The following VCAM1 variants were observed in gnomAD, a reference collection of about 807,000 sequenced individuals.
VCAM1 encodes the protein vascular cell adhesion molecule 1.
VCAM1 carries 41 observed loss-of-function variants against 63.8 expected under a neutral mutation model. That is an observed-to-expected ratio of 0.64 (90% CI 0.50 to 0.83). The LOEUF (loss-of-function observed/expected upper bound fraction) is 0.83, where lower values mean the gene tolerates loss of function less well. VCAM1 is among the 40% of genes least tolerant of loss of function. The pLI is 0.00. For missense variants in VCAM1, 798 were observed against 875.5 expected, an observed-to-expected ratio of 0.91 and a Z score of 1.12; for synonymous variants, 338 against 320.7, an observed-to-expected ratio of 1.05 and a Z score of -0.58.
rs1470791142 is a variant in VCAM1 at position 100,729,310 on chromosome 1, G to A, written c.1132G>A (p.Glu378Lys). The A allele has an allele frequency of 1.9e-6, 3 of 1,613,266 alleles. No individual in the cohort carries two copies. In the African/African-American group the frequency reaches 4.0e-5, roughly 22 times the overall value. The change falls in exon 5 of 9, where the codon GAA (glutamate) becomes AAA (lysine). Residue 378 changes from glutamate to lysine, a missense_variant. Transcript: ENST00000294728. ...CCTGAGCCCTGTGAGTTTTGAGAACGAACACTCTTATCTGTGCACAGTGAC... is the reference window on the plus strand; with the variant it reads ...CCTGAGCCCTGTGAGTTTTGAGAACAAACACTCTTATCTGTGCACAGTGAC... ...LTLSPVSFEN[E>K]HSYLCTVTCG...
chr1:100,729,240 T>C lies in VCAM1; in HGVS notation c.1062T>C (p.Pro354=). ...CCTGGAGAACCCAGATAGACAGCCC[T>C]CTGAGCGGGAAGGTGAGGAGTGAGG... is the stretch of plus-strand genomic sequence containing the variant. ...SFSWRTQIDS[P]LSGKVRSEGT... The change falls in exon 5 of 9, where the codon CCT becomes CCC. Residue 354 remains proline (P), a synonymous_variant. Transcript: ENST00000294728. The C allele has an allele frequency of 1.2e-6, 2 of 1,613,518 alleles. No homozygotes were observed. The highest frequency in any genetic ancestry group is 1.7e-6 in the Non-Finnish European group (2 of 1,179,686).
At chr1:100,720,328 G>A (rs1659915178) in intron 1 of VCAM1, 148 bp from the exon 2 acceptor site, 1 of 1,075,340 alleles carries the variant, frequency 9.3e-7, no homozygotes, top group Non-Finnish European at 1.3e-6. Context: ...CAGTGACTTC[G>A]GTGCTTTTTG....
intron 6 of VCAM1, 114 bp from the exon 7 acceptor site, chr1:100,732,304 G>A: frequency 8.7e-7 from 1 of 1,146,284 alleles, no homozygotes; most frequent in Non-Finnish European, 1.2e-6. Flanking sequence ...AATTATCAAG[G>A]TTTACAAACT....
rs1471750028 is a variant in VCAM1, at chr1:100,734,729, G to A, written c.2020G>A (p.Val674Ile). 1 of 1,613,910 alleles carries A rather than the reference G, an allele frequency of 6.2e-7. No individual in the cohort carries two copies. The highest frequency in any genetic ancestry group is 2.2e-5 in the East Asian group (1 of 44,868). The change falls in exon 8 of 9, where the codon GTT becomes ATT. Residue 674 changes from valine to isoleucine, a missense_variant. Val to Ile is a conservative substitution (Grantham distance 29). Coordinates refer to ENST00000294728, the MANE Select transcript of VCAM1 (RefSeq NM_001078.4). Reference protein sequence around the residue: ...GVYECESKNKVGSQLRSLTLD... With the variant: ...GVYECESKNKIGSQLRSLTLD... ...ATATGAATGTGAATCTAAAAACAAAGTTGGCTCACAATTAAGAAGTTTAAC... is the reference window on the plus strand; with the variant it reads ...ATATGAATGTGAATCTAAAAACAAAATTGGCTCACAATTAAGAAGTTTAAC...
chr1:100,722,982 GCAAA>G (rs768142460), intron 2 of VCAM1, 34 bp from the exon 3 acceptor site: 37 of 1,570,334 alleles, frequency 2.4e-5, no homozygotes, highest in Non-Finnish European at 3.2e-5. Context: ...TATCACATTA[GCAAA>G]AAGCCCATCC....
At chr1:100,728,285 G>A (rs1031831164) in intron 4 of VCAM1, among the ~76,000 whole-genome samples, 2 of 152,066 alleles carry the variant, frequency 1.3e-5, no homozygotes, top group African/African-American at 4.8e-5. Flanking sequence ...GGTGACTTAT[G>A]TATCATTTTA....
chr1:100,731,437 G>C lies in VCAM1; in HGVS notation c.1444G>C (p.Val482Leu), dbSNP rs560169201. Reference sequence around the variant, plus strand: ...CATTGAAGATACTGGAAAAGCTCTTGTTTGTCAGGCTAAGTTACATATTGA... The same window carrying C: ...CATTGAAGATACTGGAAAAGCTCTTCTTTGTCAGGCTAAGTTACATATTGA... Reference protein sequence around the residue: ...PTIEDTGKALVCQAKLHIDDM... With the variant: ...PTIEDTGKALLCQAKLHIDDM... The change falls in exon 6 of 9, where the codon GTT (valine) becomes CTT (leucine). Residue 482 changes from valine to leucine, a missense_variant. By Grantham distance (32) the Val-to-Leu change is conservative (BLOSUM62 1). Coordinates refer to ENST00000294728, the MANE Select transcript of VCAM1 (RefSeq NM_001078.4). The surrounding 1 kb of genome is among the most constrained non-coding windows in gnomAD (Gnocchi z 4.2). 4.9e-5 allele frequency: 79 copies of C among 1,613,764 alleles called. No homozygotes were observed. Among genetic ancestry groups the C allele is most frequent in the South Asian group, 3.3e-4 (30 of 91,074 alleles).
intron 5 of VCAM1, among the ~76,000 whole-genome samples, chr1:100,729,633 A>G (rs1213829814): frequency 6.6e-6 from 1 of 152,110 alleles, no homozygotes; most frequent in Non-Finnish European, 1.5e-5. Context: ...CTCATCATGC[A>G]CTTGAACACA....
rs561476346 is a variant in VCAM1, at chr1:100,733,322, G to A, written c.1792+638G>A. Among the ~76,000 whole-genome samples the A allele has an allele frequency of 1.5e-3, 235 of 152,226 alleles. 1 individual carries two copies. The highest frequency in any genetic ancestry group is 3.4e-3 in the Admixed American group (52 of 15,298). ...AGCAAAATCATCAGGTGATCAATGT[G>A]GATTTCCTCTATCCCATCCCTTTTG... On this transcript the variant is annotated intron_variant, in intron 7 of 8. Coordinates refer to ENST00000294728, the MANE Select transcript of VCAM1 (RefSeq NM_001078.4).
chr1:100,728,554 A>G lies in VCAM1; in HGVS notation c.929-553A>G, dbSNP rs113143276. On this transcript the variant is annotated intron_variant, in intron 4 of 8. Coordinates refer to ENST00000294728, the MANE Select transcript of VCAM1 (RefSeq NM_001078.4). ...CCTGGCATCAAGTCCTAATTTTGCT[A>G]CTTGCAAACTGGGCAAAGTTATTTA... 6.6e-3 allele frequency among the ~76,000 whole-genome samples: 1,011 copies of G among 152,052 alleles called. 13 individuals are homozygous for G. Among genetic ancestry groups the G allele is most frequent in the African/African-American group, 0.023 (968 of 41,472 alleles).
chr1:100,721,000 C>A (rs941996889), intron 2 of VCAM1, among the ~76,000 whole-genome samples: 1 of 151,968 alleles, frequency 6.6e-6, no homozygotes, highest in Admixed American at 6.6e-5. Context: ...CCTCTCTGGG[C>A]TCTGGTTTCC....
chr1:100,727,414 A>G (rs1311072832), intron 4 of VCAM1, among the ~76,000 whole-genome samples: 1 of 152,126 alleles, frequency 6.6e-6, no homozygotes, highest in African/African-American at 2.4e-5. Flanking sequence ...TTAGGTTAGC[A>G]TTCTCAAGTG....
chr1:100,735,233 T>C (rs1413885668), intron 8 of VCAM1: 1 of 154,408 alleles, frequency 6.5e-6, no homozygotes, highest in Non-Finnish European at 1.4e-5. Context: ...GTAAACTTGA[T>C]CCTGAACAAC....
In VCAM1 at chr1:100,720,615, T is replaced by C; in HGVS notation, c.204T>C (p.Asn68=). The C allele has an allele frequency of 6.2e-7, 1 of 1,613,190 alleles. No individual in the cohort carries two copies. The highest frequency in any genetic ancestry group is 8.5e-7 in the Non-Finnish European group (1 of 1,179,528). ...SWRTQIDSPL[N]GKVTNEGTTS... ...GAACCCAGATAGATAGTCCACTGAATGGGAAGGTGACGAATGAGGGGACCA... is the reference window on the plus strand; with the variant it reads ...GAACCCAGATAGATAGTCCACTGAACGGGAAGGTGACGAATGAGGGGACCA... Residue 68 remains asparagine, a synonymous_variant, in exon 2 of 9, where the codon AAT becomes AAC. Transcript: ENST00000294728.
chr1:100,725,483 T>G (rs1283217517), intron 4 of VCAM1, among the ~76,000 whole-genome samples: 1 of 152,086 alleles, frequency 6.6e-6, no homozygotes, highest in Non-Finnish European at 1.5e-5. Flanking sequence ...GTAAGTATTT[T>G]GTATTCATTT....
chr1:100,738,611 A>G lies in VCAM1; in HGVS notation c.*328A>G, dbSNP rs3783619. On this transcript the variant is annotated 3_prime_UTR_variant, in exon 9 of 9. Coordinates refer to ENST00000294728, the MANE Select transcript of VCAM1 (RefSeq NM_001078.4). The stretch of plus-strand genomic sequence containing the variant: ...AGCAACACTCTATATTTAGATTGTT[A>G]AAATAACTAGTGTTGCTTGGACTAT... 7.3e-3 allele frequency: 1,205 copies of G among 164,428 alleles called. 13 individuals are homozygous for G. The highest frequency in any genetic ancestry group is 0.027 in the African/African-American group (1,118 of 42,054). 10.2% of individuals were successfully genotyped at this position (164,428 alleles called of 1,614,324 possible).
Position 100,720,537 on chromosome 1 carries a change from C to T in VCAM1, c.126C>T (p.Ser42=), listed in dbSNP as rs530907083. 143 of 1,613,218 alleles carry T rather than the reference C, an allele frequency of 8.9e-5. 3 individuals are homozygous for T. The South Asian group carries it at 1.0e-3, about 12-fold the overall frequency. The change falls in exon 2 of 9, where the codon TCC becomes TCT. Residue 42 remains serine, a synonymous_variant. Coordinates refer to ENST00000294728, the MANE Select transcript of VCAM1 (RefSeq NM_001078.4). ...GATATCTTGCTCAGATTGGTGACTC[C>T]GTCTCATTGACTTGCAGCACCACAG... ...ESRYLAQIGD[S]VSLTCSTTGC...
chr1:100,729,191 T>G lies in VCAM1; in HGVS notation c.1013T>G (p.Met338Arg). Residue 338 changes from methionine to arginine, a missense_variant, in exon 5 of 9, where the codon ATG (methionine) becomes AGG (arginine). Coordinates refer to ENST00000294728, the MANE Select transcript of VCAM1 (RefSeq NM_001078.4). ...TCAGTCATGTTGACATGTAGTGTCA[T>G]GGGCTGTGAATCCCCATCTTTCTCC... ...GDSVMLTCSV[M>R]GCESPSFSWR... 1 of 1,613,626 alleles carries G rather than the reference T, an allele frequency of 6.2e-7. No homozygotes were observed. The highest frequency in any genetic ancestry group is 8.5e-7 in the Non-Finnish European group (1 of 1,179,734).
chr1:100,727,936 AT>A (rs1386797489), intron 4 of VCAM1, among the ~76,000 whole-genome samples: 1 of 152,074 alleles, frequency 6.6e-6, no homozygotes, highest in African/African-American at 2.4e-5. Flanking sequence ...AAAATATAAT[AT>A]GTTTGGATTA....
Sources: gnomAD v4.1 joint callset for allele counts (sites outside exome capture counted in the v4.1 genomes callset) on GRCh38, gnomAD v4.1.1 for gene constraint, Gnocchi (gnomAD v3.1) non-coding constraint, MANE v1.5 for transcripts, NCBI Gene and HGNC (gene_info 2026-07-23, HGNC 2026-07-21) for gene names.